The following CEMIP variants were observed in gnomAD, a reference collection of about 807,000 sequenced individuals.
CEMIP encodes the protein cell migration inducing hyaluronidase 1.
Under a neutral mutation model 156.9 loss-of-function variants are expected in CEMIP, and 105 were observed. The observed-to-expected ratio is 0.67, with a 90% confidence interval of 0.57 to 0.79. The LOEUF is 0.79. Among genes scored for constraint, CEMIP ranks in the 30% least tolerant of loss-of-function variants. The pLI is 0.00. For synonymous variants in CEMIP, 676 were observed against 668.4 expected, an observed-to-expected ratio of 1.01 and a Z score of -0.17; for missense variants, 1,457 against 1,769.4, an observed-to-expected ratio of 0.82 and a Z score of 3.17.
chr15:80,788,848 C>T (rs150708307), intron 1 of CEMIP, among the ~76,000 whole-genome samples: 523 of 151,628 alleles, frequency 3.4e-3, no homozygotes, highest in Non-Finnish European at 6.0e-3. Context: ...CACGGCCAGA[C>T]GACTCTAAAG....
intron 12 of CEMIP, among the ~76,000 whole-genome samples, chr15:80,899,011 G>A (rs1268422618): frequency 1.3e-5 from 2 of 152,056 alleles, no homozygotes; most frequent in African/African-American, 2.4e-5. Context: ...TCAAGAGTTC[G>A]AGACCAGCCT....
chr15:80,829,119 C>G (rs1897100117), intron 1 of CEMIP, among the ~76,000 whole-genome samples: 1 of 152,198 alleles, frequency 6.6e-6, no homozygotes, highest in Non-Finnish European at 1.5e-5. Flanking sequence ...CTTCTCTGTT[C>G]TCCTGATCCC....
chr15:80,780,520 G>C (rs1000497726), intron 1 of CEMIP, among the ~76,000 whole-genome samples: 2 of 152,204 alleles, frequency 1.3e-5, no homozygotes, highest in African/African-American at 4.8e-5. Flanking sequence ...CCAAGGGTCG[G>C]ACGCTACGGC....
intron 10 of CEMIP, among the ~76,000 whole-genome samples, chr15:80,891,569 G>A (rs1380911072): frequency 6.6e-6 from 1 of 152,186 alleles, no homozygotes; most frequent in Non-Finnish European, 1.5e-5. Flanking sequence ...GAAGCTTAGG[G>A]AAGTCTTCCC....
intron 1 of CEMIP, among the ~76,000 whole-genome samples, chr15:80,802,042 T>C (rs1339592274): frequency 6.6e-6 from 1 of 152,232 alleles, no homozygotes; most frequent in Non-Finnish European, 1.5e-5. Flanking sequence ...TTCCTGGAAC[T>C]AATGTGCAGA....
At chr15:80,800,753 C>T (rs1391896949) in intron 1 of CEMIP, among the ~76,000 whole-genome samples, 1 of 152,194 alleles carries the variant, frequency 6.6e-6, no homozygotes, top group Non-Finnish European at 1.5e-5. Flanking sequence ...TTGATATTCT[C>T]GCCATCTCTG....
intron 28 of CEMIP, among the ~76,000 whole-genome samples, chr15:80,945,991 T>C (rs933006323): frequency 3.9e-5 from 6 of 152,234 alleles, no homozygotes; most frequent in African/African-American, 1.4e-4. Context: ...TTCAAGCACA[T>C]TTCCCTTTGG....
chr15:80,896,143 T>A (rs556306589), intron 12 of CEMIP, 83 bp downstream of exon 12: 2 of 1,368,526 alleles, frequency 1.5e-6, no homozygotes, highest in South Asian at 2.3e-5. Flanking sequence ...ACAACAAATC[T>A]GTATCAGTCA....
At chr15:80,882,174 G>A (rs1275091775) in intron 6 of CEMIP, among the ~76,000 whole-genome samples, 4 of 152,204 alleles carry the variant, frequency 2.6e-5, no homozygotes, top group Non-Finnish European at 5.9e-5. Context: ...TGAAGTGCTT[G>A]CTGGTGCTCA....
intron 29 of CEMIP, chr15:80,948,577 G>A: frequency 1.6e-6 from 1 of 617,960 alleles, no homozygotes; most frequent in South Asian, 1.8e-5. Flanking sequence ...CCCTGCCTAG[G>A]TGGCAGTGAG....
At chr15:80,863,043 G>A (rs2141772770) in intron 1 of CEMIP, among the ~76,000 whole-genome samples, 1 of 152,270 alleles carries the variant, frequency 6.6e-6, no homozygotes, top group East Asian at 1.9e-4. Flanking sequence ...ACTGTAGGAG[G>A]GGCAGGCTGG....
In CEMIP at chr15:80,838,692, T is replaced by G. The variant is rs1005884549; in HGVS notation, c.-175-34846T>G. Among the ~76,000 whole-genome samples the G allele has an allele frequency of 2.6e-5, 4 of 152,198 alleles. 1 individual carries two copies. The South Asian group carries it at 6.2e-4, about 24-fold the overall frequency. ...TTTGTATTCCCAAGACCTATCCCAA[T>G]GCCCTATACTCAGTGGCAACCACTA... On this transcript the variant is annotated intron_variant, in intron 1 of 29. Transcript: ENST00000394685.
intron 1 of CEMIP, among the ~76,000 whole-genome samples, chr15:80,831,876 T>C (rs1358294426): frequency 6.6e-6 from 1 of 152,192 alleles, no homozygotes; most frequent in Non-Finnish European, 1.5e-5. Context: ...AGTGCCAAAT[T>C]CCTTCTCCCT....
At chr15:80,933,521 T>C in intron 23 of CEMIP, 61 bp downstream of exon 23, 1 of 1,321,756 alleles carries the variant, frequency 7.6e-7, no homozygotes, top group Non-Finnish European at 1.1e-6. Flanking sequence ...AAGCATTCAG[T>C]GAGTGTCTAC....
chr15:80,927,114 C>A (rs915013941), intron 19 of CEMIP, among the ~76,000 whole-genome samples: 7 of 152,240 alleles, frequency 4.6e-5, no homozygotes, highest in Non-Finnish European at 8.8e-5. Flanking sequence ...CAGGCGTGAG[C>A]CACTGTGCCC....
chr15:80,840,683 T>C (rs966158836), intron 1 of CEMIP, among the ~76,000 whole-genome samples: 2 of 152,162 alleles, frequency 1.3e-5, no homozygotes, highest in African/African-American at 2.4e-5. Flanking sequence ...AGGCCGGCCC[T>C]GGGCCCTGCA....
intron 1 of CEMIP, among the ~76,000 whole-genome samples, chr15:80,791,500 C>A (rs571536753): frequency 1.3e-5 from 2 of 152,300 alleles, no homozygotes; most frequent in African/African-American, 2.4e-5. Flanking sequence ...AAGATTAAAT[C>A]AGGGACATTT....
chr15:80,793,264 G>A (rs912583115), intron 1 of CEMIP, among the ~76,000 whole-genome samples: 1 of 152,156 alleles, frequency 6.6e-6, no homozygotes, highest in Admixed American at 6.5e-5. Context: ...TCCCCCTTCT[G>A]CTCTCTGAAA....
intron 12 of CEMIP, among the ~76,000 whole-genome samples, chr15:80,900,662 C>CTG (rs1188670554): frequency 1.3e-4 from 12 of 90,746 alleles, no homozygotes; most frequent in East Asian, 3.2e-4. Flanking sequence ...GTGTGTGTGT[C>CTG]TGTGTGTGTG....
Sources: gnomAD v4.1 joint callset for allele counts (sites outside exome capture counted in the v4.1 genomes callset) on GRCh38, gnomAD v4.1.1 for gene constraint, MANE v1.5 for transcripts, NCBI Gene and HGNC (gene_info 2026-07-23, HGNC 2026-07-21) for gene names.